PDCD6IP: variants seen among roughly 807,000 people sequenced by gnomAD.
The protein encoded by PDCD6IP is programmed cell death 6 interacting protein.
PDCD6IP carries 43 observed loss-of-function variants against 103.7 expected under a neutral mutation model. The observed-to-expected ratio is 0.41, with a 90% CI of 0.32 to 0.53. The LOEUF (loss-of-function observed/expected upper bound fraction) is 0.53. PDCD6IP is among the 20% of genes least tolerant of loss of function. The pLI, the probability that PDCD6IP is intolerant of heterozygous loss-of-function variation, is 0.16. For synonymous variants in PDCD6IP, 354 were observed against 378.7 expected (o/e 0.93, Z 0.76); for missense variants, 871 against 1,036.7 (o/e 0.84, Z 2.20).
At chr3:33,853,430 A>G (rs1697762838) in intron 13 of PDCD6IP, among the ~76,000 whole-genome samples, 1 of 152,218 alleles carries the variant, frequency 6.6e-6, no homozygotes, top group Non-Finnish European at 1.5e-5. Context: ...AAATAATGCA[A>G]AGTAAATATG....
At chr3:33,826,658 T>G (rs1354443254) in intron 6 of PDCD6IP, 78 bp downstream of exon 6, 2 of 1,568,180 alleles carry the variant, frequency 1.3e-6, no homozygotes, top group East Asian at 2.3e-5. Context: ...AGAAGCAAGT[T>G]GAAACTTATA....
At chr3:33,800,119 CAAAAAAAAAA>C (rs1173163869) in intron 1 of PDCD6IP, among the ~76,000 whole-genome samples, 15 of 50,890 alleles carry the variant, frequency 2.9e-4, no homozygotes, top group Non-Finnish European at 4.5e-4. Context: ...GACTCCATCT[CAAAAAAAAAA>C]AAAAAAAAAA....
chr3:33,852,284 T>C (rs923013145), intron 12 of PDCD6IP, among the ~76,000 whole-genome samples: 10 of 152,194 alleles, frequency 6.6e-5, no homozygotes, highest in African/African-American at 2.2e-4. Flanking sequence ...TTGGCTATTG[T>C]TATTAATGCT....
chr3:33,857,851 G>A (rs147473936), intron 15 of PDCD6IP, among the ~76,000 whole-genome samples: 312 of 152,284 alleles, frequency 2.0e-3, no homozygotes, highest in African/African-American at 7.0e-3. Flanking sequence ...GATTAATGGA[G>A]AAGCACTATA....
At chr3:33,839,895 A>G (rs553189601) in intron 9 of PDCD6IP, among the ~76,000 whole-genome samples, 14 of 152,224 alleles carry the variant, frequency 9.2e-5, no homozygotes, top group African/African-American at 3.4e-4. Context: ...CCATTCATAT[A>G]TTTTCTGTAA....
chr3:33,863,127 G>A (rs1238903618), intron 15 of PDCD6IP, among the ~76,000 whole-genome samples: 1 of 152,012 alleles, frequency 6.6e-6, no homozygotes, highest in African/African-American at 2.4e-5. Flanking sequence ...CTTTGATCAT[G>A]AATACAATGT....
At chr3:33,821,230 A>C (rs1224960970) in intron 3 of PDCD6IP, among the ~76,000 whole-genome samples, 1 of 151,276 alleles carries the variant, frequency 6.6e-6, no homozygotes, top group Non-Finnish European at 1.5e-5. Context: ...GGCTGACCTC[A>C]AACTCTTGGC....
At chr3:33,832,263 C>T (rs1483443920) in intron 7 of PDCD6IP, among the ~76,000 whole-genome samples, 3 of 152,138 alleles carry the variant, frequency 2.0e-5, no homozygotes, top group East Asian at 1.9e-4. Context: ...GGTGTCTCTT[C>T]TTGTACGGGA....
At chr3:33,845,289 A>G (rs2125568406) in intron 11 of PDCD6IP, 130 bp from the exon 12 acceptor site, 1 of 522,520 alleles carries the variant, frequency 1.9e-6, no homozygotes, top group African/African-American at 2.0e-5. Context: ...TGTTTTTATT[A>G]TGAAGTGAAT....
chr3:33,803,272 G>A (rs1238611137), intron 1 of PDCD6IP, among the ~76,000 whole-genome samples: 1 of 152,112 alleles, frequency 6.6e-6, no homozygotes, highest in East Asian at 1.9e-4. Context: ...CAGGTATATG[G>A]GAGTACTTTA....
chr3:33,833,302 G>T (rs779583376), intron 7 of PDCD6IP, among the ~76,000 whole-genome samples: 42 of 151,518 alleles, frequency 2.8e-4, no homozygotes, highest in Non-Finnish European at 5.9e-4. Context: ...CAGGGGTCTT[G>T]GTTTGTTCAA....
chr3:33,808,992 C>T (rs1307659949), intron 1 of PDCD6IP, among the ~76,000 whole-genome samples: 1 of 152,204 alleles, frequency 6.6e-6, no homozygotes, highest in African/African-American at 2.4e-5. Context: ...TCTCAGATAT[C>T]TGCTTGGCTC....
In PDCD6IP at chr3:33,869,034, C is replaced by A. The variant is rs1698128675; in HGVS notation, c.*2509C>A. The A allele has an allele frequency of 6.6e-6, 1 of 152,160 alleles. No individual in the cohort carries two copies. Among genetic ancestry groups the A allele is most frequent in the African/African-American group, 2.4e-5 (1 of 41,438 alleles). The allele number at this position is 152,160 out of a possible 1,614,324, so 9.4% of individuals were successfully genotyped here. A position where few individuals can be genotyped will look rare whatever the true frequency, so the allele number is the denominator to read the frequency against. The stretch of plus-strand genomic sequence containing the variant: ...CCCCAGCTTGTTTGCAATTTATAAA[C>A]CTCCCCTTCAAAACTAAGGAGTTGC... On this transcript the variant is annotated 3_prime_UTR_variant, in exon 18 of 18. Transcript: ENST00000307296.
At chr3:33,810,747 C>T (rs988510327) in intron 1 of PDCD6IP, among the ~76,000 whole-genome samples, 53 of 152,176 alleles carry the variant, frequency 3.5e-4, no homozygotes, top group African/African-American at 1.2e-3. Flanking sequence ...TCAAGGTTAC[C>T]GTGTACTGTG....
At position 33,865,220 on chromosome 3, in the gene PDCD6IP, T is replaced by C. The variant is rs778537163; in HGVS notation, c.2245-23T>C. 7 of 1,486,776 alleles carry C rather than the reference T, an allele frequency of 4.7e-6. 2 individuals carry two copies. The South Asian group carries it at 9.7e-5, about 21-fold the overall frequency. 92.1% of individuals were successfully genotyped at this position (1,486,776 alleles called of 1,614,324 possible). On this transcript the variant is annotated intron_variant, in intron 16 of 17. Transcript: ENST00000307296. ...GAGAGAAATATGAAACATTTTATAG[T>C]CAATGCTGACTTTTTCTTATAGCCT...
intron 8 of PDCD6IP, among the ~76,000 whole-genome samples, chr3:33,837,641 T>TG (rs1279990694): frequency 6.6e-6 from 1 of 151,670 alleles, no homozygotes; most frequent in Non-Finnish European, 1.5e-5. Flanking sequence ...CAGGCTGTGG[T>TG]GCAGTGGTGC....
chr3:33,838,459 A>G (rs1697400108), intron 9 of PDCD6IP, 132 bp downstream of exon 9: 1 of 803,568 alleles, frequency 1.2e-6, no homozygotes, highest in Non-Finnish European at 2.0e-6. Flanking sequence ...ACACACTTAC[A>G]ACTATTTTTG....
chr3:33,811,814 A>G (rs1185928079), intron 1 of PDCD6IP, among the ~76,000 whole-genome samples: 1 of 152,212 alleles, frequency 6.6e-6, no homozygotes, highest in Non-Finnish European at 1.5e-5. Flanking sequence ...TGGTTTTCAG[A>G]GCAGATGTTA....
At chr3:33,851,871 T>C (rs574375967) in intron 12 of PDCD6IP, among the ~76,000 whole-genome samples, 2 of 152,334 alleles carry the variant, frequency 1.3e-5, no homozygotes, top group Admixed American at 1.3e-4. Context: ...TCTCTATTTC[T>C]TTCTCCATCT....
Sources: allele counts gnomAD v4.1 joint callset (sites outside exome capture counted in the v4.1 genomes callset), GRCh38; gene constraint gnomAD v4.1.1; transcripts MANE v1.5; gene names NCBI Gene and HGNC (gene_info 2026-07-23, HGNC 2026-07-21).